Variants in AGBL1 observed in about 807,000 individuals in gnomAD.
AGBL1 encodes the protein AGBL carboxypeptidase 1, also known as cytosolic carboxypeptidase 4.
Under a neutral mutation model 118.9 loss-of-function variants are expected in AGBL1, and 130 were observed. The observed-to-expected ratio is 1.09, with a 90% CI of 0.95 to 1.26. The LOEUF is 1.26. Among genes scored for constraint, AGBL1 ranks in the 50% most tolerant of loss-of-function variants. AGBL1 has a pLI of 0.00. For synonymous variants in AGBL1, 555 were observed against 478.9 expected, an observed-to-expected ratio of 1.16 and a Z score of -2.08; for missense variants, 1,584 against 1,298.1, an observed-to-expected ratio of 1.22 and a Z score of -3.38.
chr15:86,365,034 C>CAT (rs2080866650), intron 17 of AGBL1, among the ~76,000 whole-genome samples: 1 of 111,392 alleles, frequency 9.0e-6, no homozygotes, highest in Admixed American at 9.1e-5. Flanking sequence ...TATACACACA[C>CAT]ATATATATAC....
chr15:86,746,955 G>T (rs866648301), intron 22 of AGBL1, among the ~76,000 whole-genome samples: 1 of 151,970 alleles, frequency 6.6e-6, no homozygotes, highest in South Asian at 2.1e-4. Flanking sequence ...TAACTATTAA[G>T]GAATTGATAA....
intron 1 of AGBL1, among the ~76,000 whole-genome samples, chr15:86,134,922 AT>A (rs34477506): frequency 0.12 from 17,944 of 147,934 alleles, 1,257 homozygotes; most frequent in East Asian, 0.23. Flanking sequence ...AATGGTGCCT[AT>A]TTTTTTTTTT....
intron 21 of AGBL1, among the ~76,000 whole-genome samples, chr15:86,625,364 C>CCTTTTTTTTTTTTTTTCTTTT (rs1429206623): frequency 1.5e-5 from 1 of 68,260 alleles, no homozygotes; most frequent in Non-Finnish European, 2.8e-5. Flanking sequence ...AAGAAATTAG[C>CCTTTTTTTTTTTTTTTCTTTT]GTTTTTTTTT....
At chr15:86,326,916 T>G (rs1013689663) in intron 17 of AGBL1, among the ~76,000 whole-genome samples, 1 of 151,198 alleles carries the variant, frequency 6.6e-6, no homozygotes, top group Non-Finnish European at 1.5e-5. Flanking sequence ...ATCCTCGAGT[T>G]TTTTTCTTTT....
At position 86,986,084 on chromosome 15, in the gene AGBL1, C is replaced by T. The variant is rs577607028; in HGVS notation, c.3222-1903C>T. On this transcript the variant is annotated intron_variant, in intron 23 of 24. Transcript: ENST00000441037. Reference sequence around the variant, plus strand: ...GATTATAGGTGCCTGCCACCATGCCCGGCTAATTTTTGTATTTTTAGTAGA... The same window carrying T: ...GATTATAGGTGCCTGCCACCATGCCTGGCTAATTTTTGTATTTTTAGTAGA... Among the ~76,000 whole-genome samples, 8 of 152,024 alleles carry T rather than the reference C, an allele frequency of 5.3e-5. No homozygotes were observed. In the East Asian group the frequency reaches 5.8e-4, roughly 11 times the overall value.
intron 1 of AGBL1, among the ~76,000 whole-genome samples, chr15:86,120,116 T>C (rs1898004045): frequency 6.6e-6 from 1 of 152,074 alleles, no homozygotes; most frequent in South Asian, 2.1e-4. Flanking sequence ...GGATAAAATC[T>C]AAACTCCCCA....
chr15:86,776,374 G>A (rs116230171), intron 22 of AGBL1, among the ~76,000 whole-genome samples: 2,353 of 152,090 alleles, frequency 0.015, 61 homozygotes, highest in African/African-American at 0.053. Context: ...ATAATCTCAT[G>A]GTTGCTTTTA....
chr15:86,158,888 C>G (rs2077228699), intron 4 of AGBL1, 45 bp from the exon 5 acceptor site: 2 of 1,560,572 alleles, frequency 1.3e-6, no homozygotes, highest in Non-Finnish European at 1.8e-6. Flanking sequence ...TGAGCCTTAA[C>G]TCATCCACTT....
chr15:86,602,140 C>T (rs181590847), intron 21 of AGBL1, among the ~76,000 whole-genome samples: 5 of 152,006 alleles, frequency 3.3e-5, no homozygotes, highest in Admixed American at 6.6e-5. Context: ...TAAAATATCA[C>T]GACATTGGCA....
intron 22 of AGBL1, among the ~76,000 whole-genome samples, chr15:86,899,663 C>T (rs11638117): frequency 0.12 from 18,113 of 152,112 alleles, 1,239 homozygotes; most frequent in African/African-American, 0.19. Context: ...TTTTACCTCA[C>T]ATGAAGACAA....
downstream of AGBL1, among the ~76,000 whole-genome samples, chr15:87,029,266 T>G (rs1457679207): frequency 1.3e-5 from 2 of 151,838 alleles, no homozygotes; most frequent in Admixed American, 6.6e-5. Context: ...TTTTGTAGCA[T>G]CAGGGGCTCA....
intron 24 of AGBL1, among the ~76,000 whole-genome samples, chr15:86,992,661 G>C (rs1475724455): frequency 6.6e-6 from 1 of 151,744 alleles, no homozygotes; most frequent in East Asian, 1.9e-4. Context: ...CAGGGCTGCT[G>C]TTTCCCTGGG....
At chr15:86,368,859 G>T (rs1385038386) in intron 17 of AGBL1, among the ~76,000 whole-genome samples, 2 of 152,094 alleles carry the variant, frequency 1.3e-5, no homozygotes, top group South Asian at 2.1e-4. Context: ...TCAAACAAAA[G>T]AAATAAAGAT....
intron 22 of AGBL1, among the ~76,000 whole-genome samples, chr15:86,692,289 G>A (rs925945645): frequency 6.6e-6 from 1 of 152,058 alleles, no homozygotes; most frequent in African/African-American, 2.4e-5. Flanking sequence ...ACATGGCAAA[G>A]GCGTAATTGA....
chr15:86,506,758 T>C (rs1479823452), intron 18 of AGBL1, among the ~76,000 whole-genome samples: 1 of 151,928 alleles, frequency 6.6e-6, no homozygotes, highest in Non-Finnish European at 1.5e-5. Flanking sequence ...AGGGGAGAGG[T>C]AGCATCTTGA....
intron 18 of AGBL1, among the ~76,000 whole-genome samples, chr15:86,459,092 G>T (rs762166380): frequency 1.2e-4 from 18 of 152,094 alleles, no homozygotes; most frequent in Non-Finnish European, 2.4e-4. Flanking sequence ...AGAAGTTTCT[G>T]CTTCTCTCTG....
intron 20 of AGBL1, among the ~76,000 whole-genome samples, chr15:86,549,554 TA>T (rs564976329): frequency 2.7e-5 from 4 of 150,320 alleles, no homozygotes; most frequent in South Asian, 2.1e-4. Context: ...CCAGAGATGC[TA>T]AAAAAAAAGT....
At chr15:86,644,807 A>G (rs1015360874) in intron 21 of AGBL1, among the ~76,000 whole-genome samples, 1 of 140,910 alleles carries the variant, frequency 7.1e-6, no homozygotes, top group Non-Finnish European at 1.5e-5. Flanking sequence ...GGAGTTTGAG[A>G]CCAGCCTGAC....
chr15:86,999,321 C>G (rs975979256), intron 24 of AGBL1, among the ~76,000 whole-genome samples: 5 of 151,060 alleles, frequency 3.3e-5, no homozygotes, highest in African/African-American at 1.2e-4. Context: ...GCTGCACCCA[C>G]TAACTCGTCA....
Sources: gnomAD v4.1 joint callset for allele counts (sites outside exome capture counted in the v4.1 genomes callset) on GRCh38, gnomAD v4.1.1 for gene constraint, MANE v1.5 for transcripts, NCBI Gene and HGNC (gene_info 2026-07-23, HGNC 2026-07-21) for gene names.